ATP13A4: variants seen among roughly 807,000 people sequenced by gnomAD.
The protein encoded by ATP13A4 is probable cation-transporting ATPase 13A4.
Under a neutral mutation model 142.5 loss-of-function variants are expected in ATP13A4, and 114 were observed. That is an observed-to-expected ratio of 0.80 (90% CI 0.69 to 0.93). ATP13A4 has a LOEUF of 0.93. Among genes scored for constraint, ATP13A4 ranks in the 40% least tolerant of loss-of-function variants. The pLI is 0.00. For synonymous variants in ATP13A4, 488 were observed against 514.8 expected (o/e 0.95, Z 0.70); for missense variants, 1,392 against 1,454.0 (o/e 0.96, Z 0.69).
At chr3:193,433,438 A>G (rs1283513599) in intron 25 of ATP13A4, among the ~76,000 whole-genome samples, 1 of 152,218 alleles carries the variant, frequency 6.6e-6, no homozygotes, top group African/African-American at 2.4e-5. Flanking sequence ...TTTAAGCTTC[A>G]TTCTAAATCC....
At chr3:193,406,253 T>C (rs997258699) in intron 29 of ATP13A4, among the ~76,000 whole-genome samples, 4 of 152,222 alleles carry the variant, frequency 2.6e-5, no homozygotes, top group African/African-American at 9.6e-5. Context: ...TTCTGTGTCC[T>C]GTTCTGCCAC....
At chr3:193,523,990 C>A (rs533794397) in intron 1 of ATP13A4, among the ~76,000 whole-genome samples, 7 of 152,248 alleles carry the variant, frequency 4.6e-5, no homozygotes, top group African/African-American at 1.7e-4. Flanking sequence ...TTTTCCCATG[C>A]CCACTTCCCT....
rs375957929 is a variant in ATP13A4 at position 193,554,844 on chromosome 3, G to T, written c.-45C>A. ...TCCTCCCTGACCTTGTCGTGCAGAC[G>T]CTTCCAGGATGAACTCCAACTCGCC... On this transcript the variant is annotated 5_prime_UTR_variant, in exon 1 of 30. Transcript: ENST00000342695. 1.2e-6 allele frequency: 2 copies of T among 1,613,548 alleles called. No individual in the cohort carries two copies. The highest frequency in any genetic ancestry group is 1.1e-5 in the South Asian group (1 of 91,062).
intron 1 of ATP13A4, among the ~76,000 whole-genome samples, chr3:193,541,105 C>T (rs1278775288): frequency 6.6e-6 from 1 of 151,700 alleles, no homozygotes; most frequent in African/African-American, 2.4e-5. Flanking sequence ...AAAAATTAGC[C>T]GGGCGTGGTG....
chr3:193,555,015 G>T, upstream of ATP13A4: 1 of 1,200,450 alleles, frequency 8.3e-7, no homozygotes, highest in Non-Finnish European at 1.1e-6. Flanking sequence ...AGGAGGAATT[G>T]CTGGCTGCTC....
intron 1 of ATP13A4, among the ~76,000 whole-genome samples, chr3:193,542,981 T>C (rs1347322893): frequency 3.9e-5 from 6 of 152,140 alleles, no homozygotes; most frequent in South Asian, 2.1e-4. Context: ...CTGGCTAACA[T>C]GGTGAAACCC....
chr3:193,406,002 G>A (rs1044404395), intron 29 of ATP13A4, among the ~76,000 whole-genome samples: 2 of 152,130 alleles, frequency 1.3e-5, no homozygotes, highest in African/African-American at 4.8e-5. Flanking sequence ...GGTTGCTTTA[G>A]AGACCATATG....
chr3:193,410,840 A>C (rs1362317326), intron 28 of ATP13A4, 142 bp downstream of exon 28: 1 of 625,740 alleles, frequency 1.6e-6, no homozygotes, highest in Middle Eastern at 4.3e-4. Context: ...AATATAGATA[A>C]ATTTAGCATT....
chr3:193,472,030 G>A (rs776217992), intron 8 of ATP13A4, among the ~76,000 whole-genome samples: 1 of 152,206 alleles, frequency 6.6e-6, no homozygotes, highest in Non-Finnish European at 1.5e-5. Context: ...CGAGCAAGGT[G>A]AAAAGGGTGT....
At chr3:193,510,627 T>G (rs1254799543) in intron 2 of ATP13A4, among the ~76,000 whole-genome samples, 1 of 152,168 alleles carries the variant, frequency 6.6e-6, no homozygotes, top group Admixed American at 6.5e-5. Flanking sequence ...ACCTAATTAC[T>G]CTTATCTTTT....
At chr3:193,502,396 G>A (rs1015335510) in intron 3 of ATP13A4, 97 bp downstream of exon 3, 5 of 1,391,472 alleles carry the variant, frequency 3.6e-6, no homozygotes, top group Non-Finnish European at 5.1e-6. Flanking sequence ...ACTATCAAAT[G>A]AGGATTGGCA....
At chr3:193,457,223 C>T (rs1717673315) in intron 15 of ATP13A4, 70 bp from the exon 16 acceptor site, 1 of 1,594,086 alleles carries the variant, frequency 6.3e-7, no homozygotes, top group African/African-American at 1.3e-5. Context: ...TTAACCACTC[C>T]TTCCGTAATA....
chr3:193,463,003 T>C lies in ATP13A4; in HGVS notation c.1462-180A>G, dbSNP rs1576989354. Among the ~76,000 whole-genome samples, 7 of 150,352 alleles carry C rather than the reference T, an allele frequency of 4.7e-5. No homozygotes were observed. In the South Asian group the frequency reaches 1.5e-3, roughly 32 times the overall value. Reference sequence around the variant, plus strand: ...CTATTTTAAAAAAAAAAAAATCCAGTGGCCCCATAGCGAAGACTCCGTAGT... The same window carrying C: ...CTATTTTAAAAAAAAAAAAATCCAGCGGCCCCATAGCGAAGACTCCGTAGT... On this transcript the variant is annotated intron_variant, in intron 12 of 29. Transcript: ENST00000342695.
At chr3:193,541,344 TGATCACAGATTATCTATCTGTGATTATC>T (rs753566791) in intron 1 of ATP13A4, among the ~76,000 whole-genome samples, 16,598 of 140,268 alleles carry the variant, frequency 0.12, 1,707 homozygotes, top group Middle Eastern at 0.2. Context: ...AGATATTATC[TGATCACAGATTATCTATCTGTGATTATC>T]GATCACAGAT....
chr3:193,585,880 T>C (rs184050624), intron 1 of ATP13A4, among the ~76,000 whole-genome samples: 13 of 152,238 alleles, frequency 8.5e-5, no homozygotes, highest in Admixed American at 8.5e-4. Flanking sequence ...AAAGGGGAAG[T>C]GTATATTTAA....
intron 2 of ATP13A4, among the ~76,000 whole-genome samples, chr3:193,570,399 GTTA>G (rs1195990115): frequency 1.3e-5 from 2 of 152,092 alleles, no homozygotes; most frequent in Non-Finnish European, 2.9e-5. Context: ...TGATTTATAG[GTTA>G]TTTCTTGTCA....
At chr3:193,586,159 T>A (rs1724667025) in intron 1 of ATP13A4, among the ~76,000 whole-genome samples, 1 of 152,044 alleles carries the variant, frequency 6.6e-6, no homozygotes, top group Admixed American at 6.6e-5. Context: ...AATGTCTGCA[T>A]TTTTGCCCAT....
chr3:193,463,743 T>C (rs1180876611), intron 12 of ATP13A4, among the ~76,000 whole-genome samples: 1 of 152,200 alleles, frequency 6.6e-6, no homozygotes, highest in African/African-American at 2.4e-5. Flanking sequence ...TTTTTCCAGG[T>C]CCGAGGATAT....
chr3:193,576,885 A>G (rs1315972651), intron 2 of ATP13A4, among the ~76,000 whole-genome samples: 2 of 152,240 alleles, frequency 1.3e-5, no homozygotes, highest in African/African-American at 4.8e-5. Flanking sequence ...AGGAAGCCTG[A>G]ATGTTCTAGC....
Sources: gnomAD v4.1 joint callset for allele counts (sites outside exome capture counted in the v4.1 genomes callset) on GRCh38, gnomAD v4.1.1 for gene constraint, MANE v1.5 for transcripts, NCBI Gene and HGNC (gene_info 2026-07-23, HGNC 2026-07-21) for gene names.